Variants in EFEMP1 observed in about 807,000 individuals in gnomAD.
The protein encoded by EFEMP1 is EGF-like fibulin extracellular matrix protein 1, also known as EGF-containing fibulin-like extracellular matrix protein 1.
EFEMP1 carries 18 observed loss-of-function variants against 65.7 expected under a neutral mutation model. The observed-to-expected ratio is 0.27, with a 90% CI of 0.19 to 0.41. The LOEUF is 0.41. EFEMP1 is among the 10% of genes least tolerant of loss of function. The pLI is 1.00. For missense variants in EFEMP1, 469 were observed against 624.8 expected (o/e 0.75, Z 2.66); for synonymous variants, 237 against 219.7 (o/e 1.08, Z -0.70).
intron 5 of EFEMP1, among the ~76,000 whole-genome samples, chr2:55,900,499 G>A (rs967744244): frequency 2.0e-5 from 3 of 152,194 alleles, no homozygotes; most frequent in African/African-American, 7.2e-5. Context: ...CTGGGGGAGA[G>A]TAAACTAAGG....
Position 55,871,088 on chromosome 2 carries a change from C to G in EFEMP1, c.1036G>C (p.Glu346Gln), listed in dbSNP as rs576071059. 1 of 1,613,576 alleles carries G rather than the reference C, an allele frequency of 6.2e-7. No individual in the cohort carries two copies. Among genetic ancestry groups the G allele is most frequent in the African/African-American group, 1.3e-5 (1 of 74,884 alleles). The change falls in exon 10 of 12, where the codon GAG becomes CAG. Residue 346 changes from glutamate (E) to glutamine (Q), a missense_variant. By Grantham distance (29) the Glu-to-Gln change is conservative. This residue lies in a region of EFEMP1 where 399 missense variants were observed against 528.2 expected (regional missense o/e 0.76). Coordinates refer to ENST00000355426, the MANE Select transcript of EFEMP1 (RefSeq NM_001039348.3). The surrounding 1 kb of genome is among the most constrained non-coding windows in gnomAD (Gnocchi z 4.2). ...NECETTNECR[E>Q]DEMCWNYHGG... The stretch of plus-strand genomic sequence containing the variant: ...TGATAATTCCAACACATTTCATCCT[C>G]CCGGCATTCATTTGTGGTCTCACAC...
rs1364952142 is a variant in EFEMP1 at position 55,922,997 on chromosome 2, C to T, written c.-48-58G>A. The T allele has an allele frequency of 1.0e-6, 1 of 998,300 alleles. No individual in the cohort carries two copies. The highest frequency in any genetic ancestry group is 1.2e-6 in the Non-Finnish European group (1 of 834,028). The allele number at this position is 998,300 out of a possible 1,614,324, so 61.8% of individuals were successfully genotyped here. On this transcript the variant is annotated intron_variant, in intron 1 of 11. Transcript: ENST00000355426. The surrounding 1 kb of genome is among the most constrained non-coding windows in gnomAD (Gnocchi z 5.5). ...GCTTTTTATTTTTTAAACAAAATAA[C>T]AAAACAAAACTCGGAGAGCAATCTT...
At chr2:55,872,090 T>C (rs969979668) in intron 9 of EFEMP1, among the ~76,000 whole-genome samples, 1 of 151,798 alleles carries the variant, frequency 6.6e-6, no homozygotes, top group African/African-American at 2.4e-5. Context: ...ACAACAACAA[T>C]AAAAATAAAA....
rs528783569 is a variant in EFEMP1, at chr2:55,880,168, C to T, written c.640+1444G>A. 2.6e-5 allele frequency among the ~76,000 whole-genome samples: 4 copies of T among 152,110 alleles called. No homozygotes were observed. The South Asian group carries it at 8.3e-4, about 32-fold the overall frequency. ...GAGGTGTTTATGCAACAGAACTGGA[C>T]AATGATCAGATTGAGCAAGACCTTT... is the stretch of plus-strand genomic sequence containing the variant. On this transcript the variant is annotated intron_variant, in intron 6 of 11. Transcript: ENST00000355426.
chr2:55,874,815 G>C lies in EFEMP1; in HGVS notation c.1000+131C>G, dbSNP rs1048951016. ...GATGTATATATTTTATGATGAACAG[G>C]GGAAAAAAGAGCTTAAATTGTATAT... is the stretch of plus-strand genomic sequence containing the variant. On this transcript the variant is annotated intron_variant, in intron 9 of 11. Coordinates refer to ENST00000355426, the MANE Select transcript of EFEMP1 (RefSeq NM_001039348.3). 14 of 940,916 alleles carry C rather than the reference G, an allele frequency of 1.5e-5. No homozygotes were observed. In the Admixed American group the frequency reaches 3.9e-4, roughly 26 times the overall value. The allele number at this position is 940,916 out of a possible 1,614,324, so 58.3% of individuals were successfully genotyped here.
At chr2:55,898,794 G>C (rs558503070) in intron 5 of EFEMP1, among the ~76,000 whole-genome samples, 1 of 152,188 alleles carries the variant, frequency 6.6e-6, no homozygotes, top group South Asian at 2.1e-4. Context: ...CTTGTTTCCT[G>C]CTGCACCCAC....
In EFEMP1 at chr2:55,917,837, C is replaced by T. The variant is rs1558490068; in HGVS notation, c.345G>A (p.Gly115=). ...CAGCAGCACTGGCCACAAAACCACC[C>T]CCGGGCAACACTCCACTGGTTGCCA... ...SSMATSGVLP[G]GGFVASAAAV... The change falls in exon 5 of 12, where the codon GGG becomes GGA. Residue 115 remains glycine (G), a synonymous_variant. Transcript: ENST00000355426. This position sits in a 1 kb window ranked among gnomAD's most constrained non-coding sequence, Gnocchi z 6.3. 1 of 1,614,244 alleles carries T rather than the reference C, an allele frequency of 6.2e-7. No homozygotes were observed. The highest frequency in any genetic ancestry group is 8.5e-7 in the Non-Finnish European group (1 of 1,180,048).
chr2:55,918,106 T>C, intron 4 of EFEMP1, 55 bp from the exon 5 acceptor site: 1 of 1,613,360 alleles, frequency 6.2e-7, no homozygotes, highest in South Asian at 1.1e-5. Context: ...AAATCAAACA[T>C]GTAAATATAA....
intron 5 of EFEMP1, among the ~76,000 whole-genome samples, chr2:55,888,302 C>T (rs1386131275): frequency 6.6e-6 from 1 of 151,412 alleles, no homozygotes; most frequent in Non-Finnish European, 1.5e-5. Flanking sequence ...GTATGTCATA[C>T]CCAGCTAAAC....
chr2:55,881,620 T>C lies in EFEMP1; in HGVS notation c.632A>G (p.Gln211Arg). 1 of 1,613,750 alleles carries C rather than the reference T, an allele frequency of 6.2e-7. No individual in the cohort carries two copies. The highest frequency in any genetic ancestry group is 8.5e-7 in the Non-Finnish European group (1 of 1,179,898). The change falls in exon 6 of 12, where the codon CAG becomes CGG. Residue 211 changes from glutamine (Q) to arginine (R), a missense_variant. Physicochemically the swap from Gln to Arg is conservative, Grantham distance 43 (BLOSUM62 1). Transcript: ENST00000355426. Reference sequence around the variant, plus strand: ...TGCACTGTGGTACTTACCTACGCACTGCTCCCCTCGCTTCTGATATCCAGG... The same window carrying C: ...TGCACTGTGGTACTTACCTACGCACCGCTCCCCTCGCTTCTGATATCCAGG... Reference protein sequence around the residue: ...CPPGYQKRGEQCVDIDECTIP... With the variant: ...CPPGYQKRGERCVDIDECTIP...
chr2:55,890,081 A>C (rs557730855), intron 5 of EFEMP1, among the ~76,000 whole-genome samples: 1 of 152,172 alleles, frequency 6.6e-6, no homozygotes, highest in Non-Finnish European at 1.5e-5. Context: ...ATACTGTTTC[A>C]AGAGACATAA....
rs1334483150 is a variant in EFEMP1 at position 55,921,544 on chromosome 2, TGA to T, written c.81+814_81+815del. ...AGGACAAATGTCATTTGCCTAACAC[TGA>T]TTAAAGACAAGAAAACACAGAACAG... On this transcript the variant is annotated intron_variant, in intron 3 of 11. Transcript: ENST00000355426. This position sits in a 1 kb window ranked among gnomAD's most constrained non-coding sequence, Gnocchi z 4.1. Among the ~76,000 whole-genome samples the T allele has an allele frequency of 6.6e-6, 1 of 152,214 alleles. No homozygotes were observed. Among genetic ancestry groups the T allele is most frequent in the Non-Finnish European group, 1.5e-5 (1 of 68,048 alleles).
At chr2:55,908,073 C>T (rs528308158) in intron 5 of EFEMP1, among the ~76,000 whole-genome samples, 17 of 152,128 alleles carry the variant, frequency 1.1e-4, no homozygotes, top group Non-Finnish European at 2.5e-4. Flanking sequence ...ATGACTTTTT[C>T]TTCTCACTTA....
Position 55,866,980 on chromosome 2 carries a change from G to A in EFEMP1, c.*93C>T. ...GGTGAGTGTACAGTATAGAGATGTAGATGCACTAGATATATCTATAAATAA... is the reference window on the plus strand; with the variant it reads ...GGTGAGTGTACAGTATAGAGATGTAAATGCACTAGATATATCTATAAATAA... On this transcript the variant is annotated 3_prime_UTR_variant, in exon 12 of 12. Transcript: ENST00000355426. The A allele has an allele frequency of 1.4e-6, 2 of 1,471,214 alleles. No individual in the cohort carries two copies. Among genetic ancestry groups the A allele is most frequent in the Non-Finnish European group, 1.9e-6 (2 of 1,056,204 alleles). The allele number at this position is 1,471,214 out of a possible 1,614,324, so 91.1% of individuals were successfully genotyped here.
In EFEMP1 at chr2:55,922,685, T is replaced by C. The variant is rs1670947561; in HGVS notation, c.-8+214A>G. ...AATTGCATTTCACGTTACTCCATCC[T>C]GCTACGCTGTTTACATACAAAAGAC... On this transcript the variant is annotated intron_variant, in intron 2 of 11. Transcript: ENST00000355426. The surrounding 1 kb of genome is among the most constrained non-coding windows in gnomAD (Gnocchi z 5.5). 2.0e-6 allele frequency: 1 copy of C among 494,484 alleles called. No homozygotes were observed. Among genetic ancestry groups the C allele is most frequent in the Non-Finnish European group, 3.6e-6 (1 of 277,656 alleles). The allele number at this position is 494,484 out of a possible 1,614,324, so 30.6% of individuals were successfully genotyped here. A position where few individuals can be genotyped will look rare whatever the true frequency, so the allele number is the denominator to read the frequency against.
At chr2:55,912,433 A>C (rs987828971) in intron 5 of EFEMP1, among the ~76,000 whole-genome samples, 4 of 152,216 alleles carry the variant, frequency 2.6e-5, no homozygotes, top group East Asian at 1.9e-4. Context: ...AAGATCACTT[A>C]AGTTTAAAAT....
intron 5 of EFEMP1, among the ~76,000 whole-genome samples, chr2:55,907,657 A>G (rs758546315): frequency 2.0e-5 from 3 of 152,220 alleles, no homozygotes; most frequent in Admixed American, 6.5e-5. Flanking sequence ...AGGGAAATCT[A>G]ACATCATCAT....
Position 55,885,686 on chromosome 2 carries a change from A to C in EFEMP1, c.518-3952T>G, listed in dbSNP as rs948705866. ...TTTGGCACCGTTAGTTGCTTTAAAT[A>C]ACACAGGCTAATCTTTGCTCAGCTC... On this transcript the variant is annotated intron_variant, in intron 5 of 11. Transcript: ENST00000355426. The surrounding 1 kb of genome is among the most constrained non-coding windows in gnomAD (Gnocchi z 4.3). Among the ~76,000 whole-genome samples, 11 of 152,168 alleles carry C rather than the reference A, an allele frequency of 7.2e-5. No individual in the cohort carries two copies. The highest frequency in any genetic ancestry group is 1.4e-4 in the African/African-American group (6 of 41,454).
intron 5 of EFEMP1, among the ~76,000 whole-genome samples, chr2:55,908,096 G>A (rs548082184): frequency 5.7e-4 from 87 of 152,172 alleles, no homozygotes; most frequent in Non-Finnish European, 1.1e-3. Context: ...TAGCTCCCCC[G>A]AGCTTCTCTA....
Sources: allele counts gnomAD v4.1 joint callset (sites outside exome capture counted in the v4.1 genomes callset), GRCh38; gene constraint gnomAD v4.1.1; regional missense constraint gnomAD v4.1.1; non-coding constraint Gnocchi (gnomAD v3.1); transcripts MANE v1.5; gene names NCBI Gene and HGNC (gene_info 2026-07-23, HGNC 2026-07-21).